Variants in VPS41 observed in about 807,000 individuals in gnomAD.
VPS41 encodes VPS41 subunit of HOPS complex, also known as vacuolar protein sorting-associated protein 41 homolog.
VPS41 carries 85 observed loss-of-function variants against 130.9 expected under a neutral mutation model. That is an observed-to-expected ratio of 0.65 (90% CI 0.55 to 0.78). The LOEUF is 0.78. Ranked by LOEUF, VPS41 falls within the 30% of genes least tolerant of loss-of-function variation. VPS41 has a pLI of 0.00. For missense variants in VPS41, 874 were observed against 1,018.7 expected (o/e 0.86, Z 1.93); for synonymous variants, 335 against 332.9 (o/e 1.01, Z -0.07).
Position 38,874,119 on chromosome 7 carries a change from A to T in VPS41, c.61-4866T>A, listed in dbSNP as rs149335612. Among the ~76,000 whole-genome samples the T allele has an allele frequency of 5.1e-3, 779 of 152,248 alleles. 7 individuals are homozygous for T. Among genetic ancestry groups the T allele is most frequent in the African/African-American group, 0.017 (702 of 41,560 alleles). Reference sequence around the variant, plus strand: ...AATAATTGTGCAGAATGGGTTCTACATTTTTCATCTTGTTTAAACATATCT... The same window carrying T: ...AATAATTGTGCAGAATGGGTTCTACTTTTTTCATCTTGTTTAAACATATCT... On this transcript the variant is annotated intron_variant, in intron 2 of 28. Coordinates refer to ENST00000310301, the MANE Select transcript of VPS41 (RefSeq NM_014396.4).
intron 3 of VPS41, among the ~76,000 whole-genome samples, chr7:38,864,742 T>C (rs1323228035): frequency 1.3e-5 from 2 of 151,932 alleles, no homozygotes; most frequent in Non-Finnish European, 2.9e-5. Context: ...CTTGAACTTT[T>C]GTAATTATTG....
At chr7:38,788,172 T>C (rs1265669756) in intron 10 of VPS41, among the ~76,000 whole-genome samples, 1 of 152,164 alleles carries the variant, frequency 6.6e-6, no homozygotes, top group Non-Finnish European at 1.5e-5. Flanking sequence ...AGATAGATAT[T>C]ATCACCTCCA....
chr7:38,859,660 T>C (rs1786060140), intron 4 of VPS41, among the ~76,000 whole-genome samples: 1 of 152,144 alleles, frequency 6.6e-6, no homozygotes, highest in East Asian at 1.9e-4. Context: ...CTGTACCACC[T>C]AGGTCTGTGT....
intron 17 of VPS41, among the ~76,000 whole-genome samples, chr7:38,759,880 AGTCTGCTT>A (rs1266501200): frequency 1.3e-5 from 2 of 152,144 alleles, no homozygotes; most frequent in East Asian, 3.9e-4. Context: ...TGACCGTGGC[AGTCTGCTT>A]GGGACAGGGC....
intron 2 of VPS41, among the ~76,000 whole-genome samples, chr7:38,881,198 C>T (rs918683097): frequency 6.6e-6 from 1 of 152,178 alleles, no homozygotes; most frequent in African/African-American, 2.4e-5. Flanking sequence ...GCTGCCCTCC[C>T]CTGGAAGCTG....
chr7:38,749,352 C>A (rs1284677967), intron 22 of VPS41, among the ~76,000 whole-genome samples: 1 of 152,080 alleles, frequency 6.6e-6, no homozygotes, highest in Non-Finnish European at 1.5e-5. Context: ...GGAAGACAAC[C>A]AAAGGAAAGA....
intron 7 of VPS41, among the ~76,000 whole-genome samples, 183 bp downstream of exon 7, chr7:38,817,634 T>A (rs1316009056): frequency 6.6e-6 from 1 of 152,266 alleles, no homozygotes; most frequent in East Asian, 1.9e-4. Flanking sequence ...AAAAGCAATG[T>A]AGTGAGAAAC....
chr7:38,793,305 T>C (rs1424468330), intron 9 of VPS41, among the ~76,000 whole-genome samples: 3 of 152,126 alleles, frequency 2.0e-5, no homozygotes, highest in African/African-American at 7.2e-5. Flanking sequence ...ATGAAGTAAA[T>C]GGTAAGGTCC....
At position 38,776,586 on chromosome 7, in the gene VPS41, T is replaced by C. The variant is rs189384843; in HGVS notation, c.882+93A>G. 4.4e-5 allele frequency: 30 copies of C among 679,128 alleles called. No individual in the cohort carries two copies. In the East Asian group the frequency reaches 7.7e-4, roughly 17 times the overall value. The allele number at this position is 679,128 out of a possible 1,614,324, so 42.1% of individuals were successfully genotyped here. ...TATAGGTCAGAAAGTTCTGCTCAGATTATAGCGTATGCTACTGATGAACAA... is the reference window on the plus strand; with the variant it reads ...TATAGGTCAGAAAGTTCTGCTCAGACTATAGCGTATGCTACTGATGAACAA... On this transcript the variant is annotated intron_variant, in intron 11 of 28. Coordinates refer to ENST00000310301, the MANE Select transcript of VPS41 (RefSeq NM_014396.4).
intron 4 of VPS41, among the ~76,000 whole-genome samples, chr7:38,834,121 CTT>C (rs1785443256): frequency 2.1e-5 from 3 of 144,510 alleles, no homozygotes; most frequent in East Asian, 2.1e-4. Context: ...AAAAAAAAAA[CTT>C]TTTTAGCACA....
chr7:38,822,812 C>A (rs1584413001), intron 5 of VPS41, among the ~76,000 whole-genome samples: 1 of 152,136 alleles, frequency 6.6e-6, no homozygotes, highest in Admixed American at 6.5e-5. Context: ...TGTTTGTGTT[C>A]CCCCAAATTC....
intron 11 of VPS41, among the ~76,000 whole-genome samples, chr7:38,775,976 T>A (rs1055775550): frequency 6.6e-6 from 1 of 152,296 alleles, no homozygotes; most frequent in African/African-American, 2.4e-5. Context: ...AAGCCACCCC[T>A]ATTCTTGTGC....
intron 14 of VPS41, among the ~76,000 whole-genome samples, chr7:38,768,688 C>A (rs993407950): frequency 6.6e-6 from 1 of 152,208 alleles, no homozygotes; most frequent in African/African-American, 2.4e-5. Flanking sequence ...CAATTCTACA[C>A]AGGTTCTTTC....
intron 14 of VPS41, among the ~76,000 whole-genome samples, chr7:38,769,421 T>C (rs770014710): frequency 9.9e-5 from 15 of 152,196 alleles, no homozygotes; most frequent in Non-Finnish European, 1.8e-4. Context: ...CAGTCAGTAG[T>C]GCTAATAGGA....
At chr7:38,733,594 C>A (rs1178924665) in intron 25 of VPS41, among the ~76,000 whole-genome samples, 2 of 152,126 alleles carry the variant, frequency 1.3e-5, no homozygotes, top group Non-Finnish European at 2.9e-5. Flanking sequence ...CATTTTTAAC[C>A]CACTAAAAAC....
At chr7:38,814,343 C>T (rs1784997311) in intron 7 of VPS41, among the ~76,000 whole-genome samples, 1 of 152,148 alleles carries the variant, frequency 6.6e-6, no homozygotes, top group South Asian at 2.1e-4. Context: ...TTAAACTTCA[C>T]GAATACACTG....
chr7:38,767,648 A>G lies in VPS41; in HGVS notation c.1186-50T>C, dbSNP rs565703590. 3.9e-4 allele frequency: 555 copies of G among 1,432,568 alleles called. 4 individuals are homozygous for G. In the South Asian group the frequency reaches 5.6e-3, roughly 14 times the overall value. The allele number at this position is 1,432,568 out of a possible 1,614,324, so 88.7% of individuals were successfully genotyped here. The stretch of plus-strand genomic sequence containing the variant: ...GTCAAAATTTAACTGAAACAACTGA[A>G]AAGTTGAGTCTCGGTTTCTGCACAG... On this transcript the variant is annotated intron_variant, in intron 14 of 28. Coordinates refer to ENST00000310301, the MANE Select transcript of VPS41 (RefSeq NM_014396.4).
At chr7:38,835,525 T>C (rs1289196297) in intron 4 of VPS41, among the ~76,000 whole-genome samples, 1 of 151,988 alleles carries the variant, frequency 6.6e-6, no homozygotes, top group African/African-American at 2.4e-5. Context: ...TAGTTATTAA[T>C]AAAGTCTAGT....
chr7:38,784,050 A>C (rs1784397300), intron 10 of VPS41, among the ~76,000 whole-genome samples: 1 of 152,236 alleles, frequency 6.6e-6, no homozygotes, highest in South Asian at 2.1e-4. Flanking sequence ...TTTATAAAAC[A>C]CAATTTTCAG....
Sources: gnomAD v4.1 joint callset for allele counts (sites outside exome capture counted in the v4.1 genomes callset) on GRCh38, gnomAD v4.1.1 for gene constraint, MANE v1.5 for transcripts, NCBI Gene and HGNC (gene_info 2026-07-23, HGNC 2026-07-21) for gene names.